Variants in SEPTIN9 observed in about 807,000 individuals in gnomAD.
SEPTIN9 encodes the protein septin-9.
In SEPTIN9, 13 loss-of-function variants were observed where a neutral mutation model predicts 56.6. That is an observed-to-expected ratio of 0.23 (90% CI 0.15 to 0.37). The LOEUF (loss-of-function observed/expected upper bound fraction) is 0.37. Among genes scored for constraint, SEPTIN9 ranks in the 10% least tolerant of loss-of-function variants. SEPTIN9 has a pLI of 1.00. For missense variants in SEPTIN9, 650 were observed against 823.1 expected, an observed-to-expected ratio of 0.79 and a Z score of 2.57; for synonymous variants, 332 against 334.1, an observed-to-expected ratio of 0.99 and a Z score of 0.07.
intron 3 of SEPTIN9, among the ~76,000 whole-genome samples, chr17:77,432,009 G>A (rs2037159185): frequency 6.6e-6 from 1 of 152,116 alleles, no homozygotes; most frequent in Non-Finnish European, 1.5e-5. Flanking sequence ...AAACAGGTTG[G>A]GGAGGTTTCA....
chr17:77,300,750 C>T (rs2032007003), intron 1 of SEPTIN9, among the ~76,000 whole-genome samples: 1 of 100,272 alleles, frequency 1.0e-5, no homozygotes, highest in Non-Finnish European at 1.9e-5. Context: ...CAGCTCAAAC[C>T]GCCCCCATCC....
At chr17:77,489,205 G>A (rs1235093925) in intron 7 of SEPTIN9, among the ~76,000 whole-genome samples, 1 of 152,114 alleles carries the variant, frequency 6.6e-6, no homozygotes, top group Admixed American at 6.5e-5. Flanking sequence ...CCAAGCACCC[G>A]TAGCGGTGAC....
chr17:77,450,913 C>A lies in SEPTIN9; in HGVS notation c.722-31231C>A. On this transcript the variant is annotated intron_variant, in intron 3 of 11. Transcript: ENST00000427177. The surrounding 1 kb of genome is among the most constrained non-coding windows in gnomAD (Gnocchi z 6.0). ...CTGTGTTCCAGCCCTGGCTGCAGGT[C>A]TGAATGGCTTTCTGGGGTGGCTGGC... is the stretch of plus-strand genomic sequence containing the variant. The A allele has an allele frequency of 1.6e-6, 1 of 629,942 alleles. No individual in the cohort carries two copies. Among genetic ancestry groups the A allele is most frequent in the Non-Finnish European group, 2.0e-6 (1 of 505,324 alleles). 39.0% of individuals were successfully genotyped at this position (629,942 alleles called of 1,614,324 possible).
chr17:77,337,800 C>T (rs1044669548), intron 2 of SEPTIN9, among the ~76,000 whole-genome samples: 2 of 152,070 alleles, frequency 1.3e-5, no homozygotes, highest in Admixed American at 6.6e-5. Context: ...TAAAGTTGTT[C>T]GTAATACAAG....
chr17:77,464,374 G>A (rs1248245349), intron 3 of SEPTIN9, among the ~76,000 whole-genome samples: 1 of 152,116 alleles, frequency 6.6e-6, no homozygotes, highest in Non-Finnish European at 1.5e-5. Flanking sequence ...CACCACGCCT[G>A]GCCAGTTTTT....
chr17:77,477,869 A>G (rs2039287556), intron 3 of SEPTIN9, among the ~76,000 whole-genome samples: 1 of 152,162 alleles, frequency 6.6e-6, no homozygotes. Flanking sequence ...GGTACTGCTG[A>G]TAATTAGTCT....
In SEPTIN9 at chr17:77,402,979, G is replaced by A. The variant is rs1037764472; in HGVS notation, c.721+276G>A. Among the ~76,000 whole-genome samples, 8 of 152,146 alleles carry A rather than the reference G, an allele frequency of 5.3e-5. No individual in the cohort carries two copies. Among genetic ancestry groups the A allele is most frequent in the Non-Finnish European group, 7.4e-5 (5 of 68,018 alleles). ...CAAGGAGCCTCCTTTATGGGTCACC[G>A]TGGGCCTTGCTGGGACCTCTGTCTG... On this transcript the variant is annotated intron_variant, in intron 3 of 11. Coordinates refer to ENST00000427177, the MANE Select transcript of SEPTIN9 (RefSeq NM_001113491.2). The surrounding 1 kb of genome is among the most constrained non-coding windows in gnomAD (Gnocchi z 6.6).
chr17:77,330,682 G>A lies in SEPTIN9; in HGVS notation c.76+23485G>A, dbSNP rs539285411. On this transcript the variant is annotated intron_variant, in intron 2 of 11. Transcript: ENST00000427177. This position sits in a 1 kb window ranked among gnomAD's most constrained non-coding sequence, Gnocchi z 4.4. Reference sequence around the variant, plus strand: ...CCTAAAGCCTGCTGTCAGGAGCCTCGCTTGCCTCTCAGAGAGCACATGGCT... The same window carrying A: ...CCTAAAGCCTGCTGTCAGGAGCCTCACTTGCCTCTCAGAGAGCACATGGCT... Among the ~76,000 whole-genome samples the A allele has an allele frequency of 3.3e-5, 5 of 152,360 alleles. No homozygotes were observed. The highest frequency in any genetic ancestry group is 3.9e-4 in the East Asian group (2 of 5,192).
At position 77,326,580 on chromosome 17, in the gene SEPTIN9, CTG is replaced by C. The variant is rs2033150147; in HGVS notation, c.76+19384_76+19385del. ...GCCGGCAGCACGGCAGGAAGTAAGA[CTG>C]GGGTTGAAAGAGACTGACTGTCATG... On this transcript the variant is annotated intron_variant, in intron 2 of 11. Coordinates refer to ENST00000427177, the MANE Select transcript of SEPTIN9 (RefSeq NM_001113491.2). This position sits in a 1 kb window ranked among gnomAD's most constrained non-coding sequence, Gnocchi z 5.1. 6.6e-6 allele frequency among the ~76,000 whole-genome samples: 1 copy of C among 152,192 alleles called. No homozygotes were observed. The highest frequency in any genetic ancestry group is 6.5e-5 in the Admixed American group (1 of 15,284).
chr17:77,368,075 C>G (rs77255717), intron 2 of SEPTIN9, among the ~76,000 whole-genome samples: 1 of 152,054 alleles, frequency 6.6e-6, no homozygotes, highest in Non-Finnish European at 1.5e-5. Flanking sequence ...CTCACAAGGA[C>G]AAATATTGTA....
chr17:77,413,110 GT>G (rs2036363592), intron 3 of SEPTIN9, among the ~76,000 whole-genome samples: 4 of 151,732 alleles, frequency 2.6e-5, no homozygotes, highest in Non-Finnish European at 4.4e-5. Context: ...GTGTGTGTGT[GT>G]GTGTGTGTGT....
intron 3 of SEPTIN9, among the ~76,000 whole-genome samples, chr17:77,458,677 C>T (rs908619215): frequency 8.5e-5 from 13 of 152,334 alleles, no homozygotes; most frequent in African/African-American, 2.9e-4. Flanking sequence ...GCTGCGGTGG[C>T]TGCCAAGGCC....
chr17:77,431,974 A>G (rs138471220), intron 3 of SEPTIN9, among the ~76,000 whole-genome samples: 1,613 of 152,244 alleles, frequency 0.011, 23 homozygotes, highest in African/African-American at 0.033. Flanking sequence ...GTTCAAAAAA[A>G]TGTTTCGTGG....
chr17:77,499,895 C>T lies in SEPTIN9; in HGVS notation c.*1237C>T, dbSNP rs1309852772. ...GAACCCCTAGAAAGGAGAGAACGGG[C>T]GTCAGGGGTGCACAGTCCACAGCTG... On this transcript the variant is annotated 3_prime_UTR_variant, in exon 12 of 12. Transcript: ENST00000427177. 3 of 279,408 alleles carry T rather than the reference C, an allele frequency of 1.1e-5. No homozygotes were observed. The highest frequency in any genetic ancestry group is 5.4e-5 in the East Asian group (1 of 18,604). The allele number at this position is 279,408 out of a possible 1,614,324, so 17.3% of individuals were successfully genotyped here. A position where few individuals can be genotyped will look rare whatever the true frequency, so the allele number is the denominator to read the frequency against.
At chr17:77,390,042 C>T (rs1006248627) in intron 2 of SEPTIN9, among the ~76,000 whole-genome samples, 1 of 152,132 alleles carries the variant, frequency 6.6e-6, no homozygotes, top group Non-Finnish European at 1.5e-5. Flanking sequence ...CACAGAGAGG[C>T]CTTCGTCCCG....
At chr17:77,355,476 C>T (rs1379405783) in intron 2 of SEPTIN9, among the ~76,000 whole-genome samples, 1 of 152,226 alleles carries the variant, frequency 6.6e-6, no homozygotes, top group South Asian at 2.1e-4. Flanking sequence ...TTAGCCCACA[C>T]TCTCTTTGTG....
chr17:77,325,094 C>T (rs1467997751), intron 2 of SEPTIN9, among the ~76,000 whole-genome samples: 1 of 152,162 alleles, frequency 6.6e-6, no homozygotes, highest in Non-Finnish European at 1.5e-5. Flanking sequence ...GCCGGAGTTA[C>T]AGGCGTGAGT....
At chr17:77,413,977 TTTTG>T (rs1373791736) in intron 3 of SEPTIN9, among the ~76,000 whole-genome samples, 161 of 152,014 alleles carry the variant, frequency 1.1e-3, no homozygotes, top group African/African-American at 3.5e-3. Context: ...CTTTTTTTCT[TTTTG>T]TTTGTTTGTT....
chr17:77,387,588 C>T (rs989059124), intron 2 of SEPTIN9, among the ~76,000 whole-genome samples: 1 of 152,078 alleles, frequency 6.6e-6, no homozygotes, highest in East Asian at 1.9e-4. Context: ...AGACCAGGCT[C>T]GGAGACACCG....
Sources: allele counts gnomAD v4.1 joint callset (sites outside exome capture counted in the v4.1 genomes callset), GRCh38; gene constraint gnomAD v4.1.1; non-coding constraint Gnocchi (gnomAD v3.1); transcripts MANE v1.5; gene names NCBI Gene and HGNC (gene_info 2026-07-23, HGNC 2026-07-21).